The following CERT1 variants were observed in gnomAD, a reference collection of about 807,000 sequenced individuals.
CERT1 encodes ceramide transfer protein.
Under a neutral mutation model 87.9 loss-of-function variants are expected in CERT1, and 31 were observed. That is an observed-to-expected ratio of 0.35 (90% CI 0.27 to 0.48). The LOEUF is 0.48. Among genes scored for constraint, CERT1 ranks in the 20% least tolerant of loss-of-function variants. The pLI, the probability that CERT1 is intolerant of heterozygous loss-of-function variation, is 0.99. For missense variants in CERT1, 487 were observed against 758.0 expected, an observed-to-expected ratio of 0.64 and a Z score of 4.20; for synonymous variants, 289 against 250.9, an observed-to-expected ratio of 1.15 and a Z score of -1.44.
At chr5:75,385,401 A>G (rs1206531983) in intron 13 of CERT1, among the ~76,000 whole-genome samples, 1 of 152,198 alleles carries the variant, frequency 6.6e-6, no homozygotes, top group Non-Finnish European at 1.5e-5. Context: ...TGAACTGGGG[A>G]GGTAAAGGTT....
chr5:75,382,788 C>A (rs1761639469), intron 14 of CERT1, among the ~76,000 whole-genome samples: 1 of 151,744 alleles, frequency 6.6e-6, no homozygotes, highest in African/African-American at 2.4e-5. Flanking sequence ...CAATACAAAT[C>A]ATTTGCAAGA....
intron 2 of CERT1, among the ~76,000 whole-genome samples, chr5:75,499,556 T>A (rs1347227483): frequency 6.6e-6 from 1 of 152,124 alleles, no homozygotes; most frequent in Non-Finnish European, 1.5e-5. Flanking sequence ...GAACTGTGAG[T>A]CAATTAAATC....
downstream of CERT1, chr5:75,374,117 T>G (rs538703333): frequency 1.0e-5 from 4 of 399,498 alleles, no homozygotes; most frequent in South Asian, 5.0e-4. Context: ...GATCCTACGT[T>G]CCAGCTTAGA....
At chr5:75,402,812 AAAG>A (rs2112092351) in intron 9 of CERT1, 157 bp downstream of exon 9, 1 of 515,900 alleles carries the variant, frequency 1.9e-6, no homozygotes, top group African/African-American at 1.9e-5. Flanking sequence ...AAAAAAAAAA[AAAG>A]ATTATTTTAC....
chr5:75,510,030 T>C (rs894384623), intron 1 of CERT1, among the ~76,000 whole-genome samples: 5 of 152,364 alleles, frequency 3.3e-5, no homozygotes, highest in South Asian at 2.1e-4. Flanking sequence ...ATTAGCTTTC[T>C]AGACATTATA....
At chr5:75,375,061 G>A (rs946741345), downstream of CERT1, 3 of 184,316 alleles carry the variant, frequency 1.6e-5, no homozygotes, top group South Asian at 1.1e-4. Context: ...AATAAAGGGG[G>A]CACAGGCACC....
intron 2 of CERT1, among the ~76,000 whole-genome samples, chr5:75,496,024 G>A (rs1410993267): frequency 1.3e-5 from 2 of 151,976 alleles, no homozygotes; most frequent in South Asian, 2.1e-4. Flanking sequence ...TAAATTTTTA[G>A]TGTTAGTGAT....
chr5:75,502,327 CAG>C (rs1016251878), intron 2 of CERT1, among the ~76,000 whole-genome samples: 11 of 152,072 alleles, frequency 7.2e-5, no homozygotes, highest in African/African-American at 2.4e-4. Context: ...TAAGGAGAAA[CAG>C]AGGCACTCAT....
intron 2 of CERT1, among the ~76,000 whole-genome samples, chr5:75,476,968 TA>T (rs1476680968): frequency 1.2e-4 from 18 of 152,140 alleles, no homozygotes; most frequent in Non-Finnish European, 5.9e-5. Context: ...ATTCCCAAAT[TA>T]ACAAAACCTT....
chr5:75,385,849 T>C (rs950548653), intron 13 of CERT1, 53 bp downstream of exon 13: 1 of 1,278,480 alleles, frequency 7.8e-7, no homozygotes, highest in Non-Finnish European at 1.0e-6. Context: ...TAGGTTGGAT[T>C]TGATATTAAA....
At chr5:75,430,731 G>A (rs1273243969) in intron 3 of CERT1, among the ~76,000 whole-genome samples, 2 of 151,350 alleles carry the variant, frequency 1.3e-5, no homozygotes, top group Non-Finnish European at 1.5e-5. Context: ...ACAGCAATCA[G>A]TTCACAAAAA....
intron 12 of CERT1, among the ~76,000 whole-genome samples, chr5:75,388,310 T>C (rs903959551): frequency 3.9e-5 from 6 of 152,128 alleles, no homozygotes; most frequent in African/African-American, 1.4e-4. Context: ...TAATATTATA[T>C]CTTATTTGCT....
rs147032532 is a variant in CERT1 at position 75,460,385 on chromosome 5, A to G, written c.232-1204T>C. On this transcript the variant is annotated intron_variant, in intron 2 of 16. Coordinates refer to ENST00000643780, the MANE Select transcript of CERT1 (RefSeq NM_001379029.1). ...AGGAAAAAAATAAAATGAATATTAC[A>G]TAAGATCTACATGAGCTATCTAGAG... Among the ~76,000 whole-genome samples, 317 of 152,284 alleles carry G rather than the reference A, an allele frequency of 2.1e-3. 1 individual carries two copies. In the East Asian group the frequency reaches 0.027, roughly 13 times the overall value.
intron 1 of CERT1, among the ~76,000 whole-genome samples, chr5:75,508,537 A>T (rs1767767058): frequency 6.6e-6 from 1 of 152,122 alleles, no homozygotes; most frequent in African/African-American, 2.4e-5. Context: ...CCTGGAAGAC[A>T]AGTTTTTTGT....
chr5:75,502,118 C>A (rs1767400629), intron 2 of CERT1, among the ~76,000 whole-genome samples: 1 of 149,112 alleles, frequency 6.7e-6, no homozygotes, highest in African/African-American at 2.5e-5. Context: ...TTCTACAAGC[C>A]AAAAAGGAAA....
intron 3 of CERT1, among the ~76,000 whole-genome samples, chr5:75,441,146 T>C (rs1262945450): frequency 2.0e-5 from 3 of 152,212 alleles, no homozygotes; most frequent in African/African-American, 4.8e-5. Flanking sequence ...GGTGGTTCCA[T>C]AGGATTATAA....
chr5:75,437,039 G>A (rs898200559), intron 3 of CERT1, among the ~76,000 whole-genome samples: 3 of 152,074 alleles, frequency 2.0e-5, no homozygotes, highest in Admixed American at 6.6e-5. Context: ...TCCTACCTTG[G>A]CCTCTCAAAG....
chr5:75,493,638 C>T (rs1488212667), intron 2 of CERT1, among the ~76,000 whole-genome samples: 1 of 152,146 alleles, frequency 6.6e-6, no homozygotes, highest in Non-Finnish European at 1.5e-5. Context: ...GTGTCTTTAA[C>T]ATGAGTCTTT....
intron 2 of CERT1, among the ~76,000 whole-genome samples, chr5:75,472,122 T>C (rs1255728118): frequency 1.3e-5 from 2 of 152,106 alleles, no homozygotes; most frequent in African/African-American, 2.4e-5. Flanking sequence ...AATAAATCCA[T>C]GCATTTACAA....
Sources: gnomAD v4.1 joint callset for allele counts (sites outside exome capture counted in the v4.1 genomes callset) on GRCh38, gnomAD v4.1.1 for gene constraint, MANE v1.5 for transcripts, NCBI Gene and HGNC (gene_info 2026-07-23, HGNC 2026-07-21) for gene names.